Variants in FCHO2 observed in about 807,000 individuals in gnomAD.
The protein encoded by FCHO2 is FCH and mu domain containing endocytic adaptor 2.
Under a neutral mutation model 114.1 loss-of-function variants are expected in FCHO2, and 43 were observed. That is an observed-to-expected ratio of 0.38 (90% confidence interval 0.30 to 0.49). FCHO2 has a LOEUF of 0.49. FCHO2 is among the 20% of genes least tolerant of loss of function. The pLI is 0.97. For missense variants in FCHO2, 807 were observed against 950.4 expected (o/e 0.85, Z 1.98); for synonymous variants, 293 against 315.2 (o/e 0.93, Z 0.75).
rs144794110 is a variant in FCHO2 at position 73,077,144 on chromosome 5, A to G, written c.1692-194A>G. 5.3e-4 allele frequency among the ~76,000 whole-genome samples: 80 copies of G among 152,360 alleles called. 2 individuals carry two copies. In the East Asian group the frequency reaches 0.015, roughly 28 times the overall value. ...CAGGAAAAGATGATGCTAGATGAGT[A>G]TACTATTTCATGTATATAATTTTTA... is the stretch of plus-strand genomic sequence containing the variant. On this transcript the variant is annotated intron_variant, in intron 20 of 25. Coordinates refer to ENST00000430046, the MANE Select transcript of FCHO2 (RefSeq NM_138782.3).
At chr5:73,003,275 A>G (rs1754541808) in intron 5 of FCHO2, among the ~76,000 whole-genome samples, 1 of 152,110 alleles carries the variant, frequency 6.6e-6, no homozygotes, top group Non-Finnish European at 1.5e-5. Flanking sequence ...TGCCTCCCTA[A>G]GAGCTGGGGT....
intron 2 of FCHO2, among the ~76,000 whole-genome samples, chr5:72,988,580 T>C (rs574054851): frequency 3.7e-4 from 57 of 152,366 alleles, no homozygotes; most frequent in Non-Finnish European, 6.3e-4. Context: ...ACAGTAGTTA[T>C]ATAAAACACA....
chr5:73,077,614 G>T, intron 21 of FCHO2, 121 bp downstream of exon 21: 1 of 1,079,684 alleles, frequency 9.3e-7, no homozygotes, highest in Non-Finnish European at 1.3e-6. Flanking sequence ...TGGATTGCTT[G>T]AGCCCAGTTG....
rs1378924735 is a variant in FCHO2, at chr5:72,990,622, A to G, written c.342+3A>G. The G allele has an allele frequency of 6.5e-7, 1 of 1,529,600 alleles. No homozygotes were observed. The highest frequency in any genetic ancestry group is 8.7e-7 in the Non-Finnish European group (1 of 1,143,386). The allele number at this position is 1,529,600 out of a possible 1,614,324, so 94.8% of individuals were successfully genotyped here. A position where few individuals can be genotyped will look rare whatever the true frequency, so the allele number is the denominator to read the frequency against. ...AACAAGTAAAGTCTCATAAAAAGGT[A>G]TCAGTTTTTTTCTTGTTAAATAATT... On this transcript the variant is annotated splice_donor_region_variant and intron_variant, in intron 4 of 25. Coordinates refer to ENST00000430046, the MANE Select transcript of FCHO2 (RefSeq NM_138782.3).
Position 73,085,143 on chromosome 5 carries a change from G to C in FCHO2, c.2245+2318G>C, listed in dbSNP as rs149450570. ...AGGCAGGTAGATCGTGAGGTCAAGA[G>C]ATCGAGACCATCCTGGCCAACATGG... On this transcript the variant is annotated intron_variant, in intron 24 of 25. Transcript: ENST00000430046. Among the ~76,000 whole-genome samples, 1,060 of 152,246 alleles carry C rather than the reference G, an allele frequency of 7.0e-3. 8 individuals are homozygous for C. The highest frequency in any genetic ancestry group is 0.025 in the African/African-American group (1,036 of 41,536).
intron 9 of FCHO2, among the ~76,000 whole-genome samples, chr5:73,036,211 G>C (rs1335082653): frequency 6.6e-6 from 1 of 152,132 alleles, no homozygotes; most frequent in Admixed American, 6.5e-5. Flanking sequence ...TGTCATGAAA[G>C]AAGAGGATGC....
At chr5:72,986,357 G>A (rs1404651219) in intron 2 of FCHO2, among the ~76,000 whole-genome samples, 1 of 151,912 alleles carries the variant, frequency 6.6e-6, no homozygotes, top group Non-Finnish European at 1.5e-5. Context: ...ATTTTTCTCT[G>A]CTTTCTACCT....
At chr5:72,958,393 T>C (rs1035855998) in intron 1 of FCHO2, among the ~76,000 whole-genome samples, 1 of 152,234 alleles carries the variant, frequency 6.6e-6, no homozygotes, top group Non-Finnish European at 1.5e-5. Flanking sequence ...CTTCATTCTT[T>C]TGCAATTGTG....
intron 5 of FCHO2, among the ~76,000 whole-genome samples, chr5:72,996,243 C>CAAAA (rs371371047): frequency 9.0e-6 from 1 of 110,984 alleles, no homozygotes; most frequent in Non-Finnish European, 1.8e-5. Flanking sequence ...AACTCTGTCT[C>CAAAA]AAAAAAAAAA....
intron 13 of FCHO2, among the ~76,000 whole-genome samples, chr5:73,053,415 G>A (rs536860268): frequency 1.3e-5 from 2 of 152,318 alleles, no homozygotes; most frequent in South Asian, 4.1e-4. Flanking sequence ...TGAATATAGG[G>A]CCGGGCATGG....
At chr5:73,033,208 A>T (rs1206890477) in intron 8 of FCHO2, among the ~76,000 whole-genome samples, 1 of 152,142 alleles carries the variant, frequency 6.6e-6, no homozygotes, top group African/African-American at 2.4e-5. Flanking sequence ...AGAAGTGATA[A>T]ACATTTTTTT....
intron 19 of FCHO2, among the ~76,000 whole-genome samples, chr5:73,073,851 T>C (rs1742789813): frequency 6.6e-6 from 1 of 152,138 alleles, no homozygotes; most frequent in Admixed American, 6.6e-5. Flanking sequence ...ACCTAGATTA[T>C]TTATTTTTTT....
At position 72,968,586 on chromosome 5, in the gene FCHO2, A is replaced by G; in HGVS notation, c.122A>G (p.Glu41Gly). ...AAAGAACTAGCAGATTTTGTAAGGG[A>G]ACGGTATGTATTTTTTAAATAAGTA... ...STKELADFVRERATIEEAYSR... is the reference protein window; with the variant it reads ...STKELADFVRGRATIEEAYSR... Residue 41 changes from glutamate (E) to glycine (G), a missense_variant, in exon 2 of 26, where the codon GAA becomes GGA. By Grantham distance (98) the Glu-to-Gly change is moderately conservative. Coordinates refer to ENST00000430046, the MANE Select transcript of FCHO2 (RefSeq NM_138782.3). 1 of 1,523,178 alleles carries G rather than the reference A, an allele frequency of 6.6e-7. No homozygotes were observed. The highest frequency in any genetic ancestry group is 8.7e-7 in the Non-Finnish European group (1 of 1,142,930). The allele number at this position is 1,523,178 out of a possible 1,614,324, so 94.4% of individuals were successfully genotyped here. A position where few individuals can be genotyped will look rare whatever the true frequency, so the allele number is the denominator to read the frequency against.
chr5:72,996,012 G>A (rs978910697), intron 5 of FCHO2, among the ~76,000 whole-genome samples: 1 of 152,104 alleles, frequency 6.6e-6, no homozygotes, highest in South Asian at 2.1e-4. Flanking sequence ...GGAGGCCACG[G>A]TGGGTGGATC....
chr5:72,987,350 T>A (rs1340713090), intron 2 of FCHO2, among the ~76,000 whole-genome samples: 1 of 152,134 alleles, frequency 6.6e-6, no homozygotes, highest in African/African-American at 2.4e-5. Flanking sequence ...TTTATTTATT[T>A]ATTTGAGACA....
intron 10 of FCHO2, among the ~76,000 whole-genome samples, chr5:73,039,671 T>G (rs922741247): frequency 1.4e-5 from 2 of 147,136 alleles, no homozygotes; most frequent in Non-Finnish European, 3.0e-5. Flanking sequence ...CTCATGCCTG[T>G]AAACCCAGCA....
intron 2 of FCHO2, among the ~76,000 whole-genome samples, chr5:72,985,817 C>T (rs1161840285): frequency 1.3e-5 from 2 of 152,102 alleles, no homozygotes; most frequent in African/African-American, 4.8e-5. Context: ...GGTTTTTACT[C>T]TAATGTGACT....
rs114393249 is a variant in FCHO2 at position 73,017,753 on chromosome 5, C to A, written c.796+445C>A. Among the ~76,000 whole-genome samples, 542 of 152,126 alleles carry A rather than the reference C, an allele frequency of 3.6e-3. 5 individuals carry two copies. The highest frequency in any genetic ancestry group is 0.013 in the African/African-American group (527 of 41,516). ...TTTCTTAAAATTTAATAACTTCTTT[C>A]TTTTCTCATTTATATATACATTTAA... On this transcript the variant is annotated intron_variant, in intron 8 of 25. Coordinates refer to ENST00000430046, the MANE Select transcript of FCHO2 (RefSeq NM_138782.3).
rs564139981 is a variant in FCHO2 at position 72,968,483 on chromosome 5, C to A, written c.34-15C>A. On this transcript the variant is annotated splice_polypyrimidine_tract_variant and intron_variant, in intron 1 of 25. Transcript: ENST00000430046. ...TCTGTTTTTTTATGAAACTAAAAAT[C>A]TTTTTAAATTTTAGGGGGAAAAAAA... 11 of 1,477,264 alleles carry A rather than the reference C, an allele frequency of 7.4e-6. No homozygotes were observed. In the Admixed American group the frequency reaches 2.3e-4, roughly 30 times the overall value. The allele number at this position is 1,477,264 out of a possible 1,614,324, so 91.5% of individuals were successfully genotyped here. A position where few individuals can be genotyped will look rare whatever the true frequency, so the allele number is the denominator to read the frequency against.
Sources: gnomAD v4.1 joint callset for allele counts (sites outside exome capture counted in the v4.1 genomes callset) on GRCh38, gnomAD v4.1.1 for gene constraint, MANE v1.5 for transcripts, NCBI Gene and HGNC (gene_info 2026-07-23, HGNC 2026-07-21) for gene names.